Variants in FAM78A observed in about 807,000 individuals in gnomAD.
FAM78A encodes protein FAM78A.
Under a neutral mutation model 22.6 loss-of-function variants are expected in FAM78A, and 12 were observed. The ratio of observed to expected loss-of-function variants is 0.53; its 90% confidence interval spans 0.34 to 0.86. The LOEUF is 0.86. Ranked by LOEUF, FAM78A falls within the 40% of genes least tolerant of loss-of-function variation. The pLI, the probability that FAM78A is intolerant of heterozygous loss-of-function variation, is 0.02. For synonymous variants in FAM78A, 151 were observed against 155.8 expected, an observed-to-expected ratio of 0.97 and a Z score of 0.23; for missense variants, 322 against 396.1, an observed-to-expected ratio of 0.81 and a Z score of 1.59.
chr9:131,263,273 G>A (rs1835297757), intron 1 of FAM78A, among the ~76,000 whole-genome samples: 1 of 149,782 alleles, frequency 6.7e-6, no homozygotes, highest in African/African-American at 2.5e-5. Context: ...AAAGAGTTCT[G>A]AAGATAGATG....
intron 1 of FAM78A, chr9:131,270,489 G>A (rs1835404208): frequency 1.4e-6 from 1 of 716,422 alleles, no homozygotes; most frequent in East Asian, 2.7e-5. Context: ...TCCAGTGCTT[G>A]GAAGGTGGAT....
chr9:131,262,476 CAA>C (rs113855141), intron 1 of FAM78A, among the ~76,000 whole-genome samples: 81 of 105,530 alleles, frequency 7.7e-4, no homozygotes, highest in Middle Eastern at 5.7e-3. Flanking sequence ...ACTCTGTCTG[CAA>C]AAAAAAAAAA....
chr9:131,278,616 G>A (rs796972432), upstream of FAM78A, among the ~76,000 whole-genome samples: 9 of 152,334 alleles, frequency 5.9e-5, no homozygotes, highest in African/African-American at 2.2e-4. Context: ...CCAGAGCTGA[G>A]AGGCTAGGGG....
rs188850041 is a variant in FAM78A, at chr9:131,275,901, C to T, written c.279G>A (p.Ala93=). Residue 93 remains alanine (A), a synonymous_variant, in exon 1 of 2, where the codon GCG becomes GCA. Coordinates refer to ENST00000372271, the MANE Select transcript of FAM78A (RefSeq NM_033387.4). This position sits in a 1 kb window ranked among gnomAD's most constrained non-coding sequence, Gnocchi z 4.6. Reference sequence around the variant, plus strand: ...GGTTGTAGAACTCCATGTGGCTGCACGCCTGGATCCAGCCAACTACCCAAG... The same window carrying T: ...GGTTGTAGAACTCCATGTGGCTGCATGCCTGGATCCAGCCAACTACCCAAG... ...KETWVVGWIQ[A]CSHMEFYNQY... is the part of the protein sequence containing the mutation. 6.2e-7 allele frequency: 1 copy of T among 1,611,212 alleles called. No individual in the cohort carries two copies. Among genetic ancestry groups the T allele is most frequent in the South Asian group, 1.1e-5 (1 of 90,866 alleles).
rs1019004206 is a variant in FAM78A at position 131,261,097 on chromosome 9, G to T, written c.577C>A (p.Leu193Met). 3 of 1,614,062 alleles carry T rather than the reference G, an allele frequency of 1.9e-6. No individual in the cohort carries two copies. The highest frequency in any genetic ancestry group is 1.3e-5 in the African/African-American group (1 of 74,944). The change falls in exon 2 of 2, where the codon CTG becomes ATG. Residue 193 changes from leucine to methionine, a missense_variant. By Grantham distance (15) the Leu-to-Met change is conservative. Coordinates refer to ENST00000372271, the MANE Select transcript of FAM78A (RefSeq NM_033387.4). The surrounding 1 kb of genome is among the most constrained non-coding windows in gnomAD (Gnocchi z 7.1). ...TTGGTGGAGGTGTTGGTGGCCACCA[G>T]CCAGGTGGTGAAGCTCTGGTCCCGG... is the stretch of plus-strand genomic sequence containing the variant. ...IYRDQSFTTW[L>M]VATNTSTNDM... is the part of the protein sequence containing the mutation.
chr9:131,259,992 G>A lies in FAM78A; in HGVS notation c.*830C>T, dbSNP rs1472797313. ...GAGGGGAGAAGAGGCCAGGCGACTG[G>A]TGGAGCCACCCCCCGCCAGAGCTCA... On this transcript the variant is annotated 3_prime_UTR_variant, in exon 2 of 2. Transcript: ENST00000372271. 1.3e-5 allele frequency: 2 copies of A among 152,744 alleles called. No individual in the cohort carries two copies. The highest frequency in any genetic ancestry group is 6.5e-5 in the Admixed American group (1 of 15,292). The allele number at this position is 152,744 out of a possible 1,614,324, so 9.5% of individuals were successfully genotyped here.
rs1435059284 is a variant in FAM78A at position 131,275,973 on chromosome 9, G to A, written c.207C>T (p.Phe69=). 1.2e-6 allele frequency: 2 copies of A among 1,613,490 alleles called. No individual in the cohort carries two copies. The highest frequency in any genetic ancestry group is 1.7e-6 in the Non-Finnish European group (2 of 1,180,044). Residue 69 remains phenylalanine, a synonymous_variant, in exon 1 of 2, where the codon TTC becomes TTT. Coordinates refer to ENST00000372271, the MANE Select transcript of FAM78A (RefSeq NM_033387.4). The surrounding 1 kb of genome is among the most constrained non-coding windows in gnomAD (Gnocchi z 4.6). ...SVVLRYRTPH[F]RASAQVVMPP... ...GCATGACCACCTGGGCCGAGGCCCG[G>A]AAGTGGGGTGTCCGGTAGCGGAGCA...
At chr9:131,280,429 C>T (rs926870283), upstream of FAM78A, among the ~76,000 whole-genome samples, 1 of 152,230 alleles carries the variant, frequency 6.6e-6, no homozygotes, top group Non-Finnish European at 1.5e-5. Flanking sequence ...GTCTGCAGAG[C>T]AGAGGAAGGG....
At chr9:131,268,567 G>T (rs1412660325) in intron 1 of FAM78A, among the ~76,000 whole-genome samples, 1 of 152,220 alleles carries the variant, frequency 6.6e-6, no homozygotes, top group African/African-American at 2.4e-5. Flanking sequence ...ATCTCACAAG[G>T]GGAGGAAAGA....
upstream of FAM78A, among the ~76,000 whole-genome samples, chr9:131,280,892 G>A (rs1008169048): frequency 6.6e-6 from 1 of 152,170 alleles, no homozygotes; most frequent in Non-Finnish European, 1.5e-5. Flanking sequence ...GGGTTGACCC[G>A]ACCCTGTCAT....
intron 1 of FAM78A, among the ~76,000 whole-genome samples, chr9:131,269,916 C>T (rs1007438452): frequency 4.6e-5 from 7 of 151,670 alleles, no homozygotes; most frequent in Non-Finnish European, 1.0e-4. Flanking sequence ...AAGTACAGGC[C>T]GGGCACAGTG....
Position 131,261,079 on chromosome 9 carries a change from A to G in FAM78A, c.595T>C (p.Ser199Pro). 2 of 1,614,038 alleles carry G rather than the reference A, an allele frequency of 1.2e-6. No individual in the cohort carries two copies. The highest frequency in any genetic ancestry group is 1.7e-6 in the Non-Finnish European group (2 of 1,179,998). Residue 199 changes from serine (S) to proline (P), a missense_variant, in exon 2 of 2, where the codon TCC (serine) becomes CCC (proline). Ser to Pro is a moderately conservative substitution (Grantham distance 74). Coordinates refer to ENST00000372271, the MANE Select transcript of FAM78A (RefSeq NM_033387.4). This position sits in a 1 kb window ranked among gnomAD's most constrained non-coding sequence, Gnocchi z 7.1. Reference protein sequence around the residue: ...FTTWLVATNTSTNDMIILQTL... With the variant: ...FTTWLVATNTPTNDMIILQTL... ...TGCAGGATGATCATGTCGTTGGTGGAGGTGTTGGTGGCCACCAGCCAGGTG... is the reference window on the plus strand; with the variant it reads ...TGCAGGATGATCATGTCGTTGGTGGGGGTGTTGGTGGCCACCAGCCAGGTG...
Position 131,261,992 on chromosome 9 carries a change from T to C in FAM78A, c.324-642A>G, listed in dbSNP as rs536259947. Among the ~76,000 whole-genome samples, 278 of 151,308 alleles carry C rather than the reference T, an allele frequency of 1.8e-3. 2 individuals are homozygous for C. The highest frequency in any genetic ancestry group is 6.8e-3 in the Middle Eastern group (2 of 294). On this transcript the variant is annotated intron_variant, in intron 1 of 1. Transcript: ENST00000372271. The surrounding 1 kb of genome is among the most constrained non-coding windows in gnomAD (Gnocchi z 7.1). ...CTGTAATCCCAGCACTTTGGGAGGC[T>C]GAGGCAGGCTGATCACTTGAGGTTA...
intron 1 of FAM78A, among the ~76,000 whole-genome samples, chr9:131,266,063 CG>C (rs1189396683): frequency 6.6e-6 from 1 of 152,112 alleles, no homozygotes; most frequent in Non-Finnish European, 1.5e-5. Flanking sequence ...TGGCTGGCAA[CG>C]GGGAGGCCTG....
chr9:131,276,951 G>A (rs997529888), upstream of FAM78A, among the ~76,000 whole-genome samples: 3 of 149,470 alleles, frequency 2.0e-5, no homozygotes, highest in Admixed American at 6.6e-5. This position sits in a 1 kb window ranked among gnomAD's most constrained non-coding sequence, Gnocchi z 4.3. Flanking sequence ...GACCTGGTGG[G>A]AGGTGGAAGG....
intron 1 of FAM78A, among the ~76,000 whole-genome samples, chr9:131,271,306 A>T (rs758018135): frequency 6.6e-6 from 1 of 152,186 alleles, no homozygotes; most frequent in Non-Finnish European, 1.5e-5. Context: ...TAATGTAACA[A>T]CAGCAACGAG....
chr9:131,261,193 T>C lies in FAM78A; in HGVS notation c.481A>G (p.Asn161Asp). 2 of 1,613,902 alleles carry C rather than the reference T, an allele frequency of 1.2e-6. No individual in the cohort carries two copies. The highest frequency in any genetic ancestry group is 1.7e-6 in the Non-Finnish European group (2 of 1,179,990). ...DSKFIISMND[N>D]FYPSVTWAVP... ...GCCCATGTGACGCTGGGGTAAAAGT[T>C]GTCATTCATGCTGATGATGAACTTG... The change falls in exon 2 of 2, where the codon AAC (asparagine) becomes GAC (aspartate). Residue 161 changes from asparagine to aspartate, a missense_variant. Physicochemically the swap from Asn to Asp is conservative, Grantham distance 23. Transcript: ENST00000372271. The surrounding 1 kb of genome is among the most constrained non-coding windows in gnomAD (Gnocchi z 7.1).
At chr9:131,278,657 C>T (rs539268304), upstream of FAM78A, among the ~76,000 whole-genome samples, 6 of 152,356 alleles carry the variant, frequency 3.9e-5, no homozygotes, top group Admixed American at 2.0e-4. Context: ...CCCGTCCCCC[C>T]GCAGGGGTCC....
intron 1 of FAM78A, among the ~76,000 whole-genome samples, chr9:131,268,677 G>A (rs1372973104): frequency 7.9e-5 from 12 of 152,186 alleles, no homozygotes; most frequent in Admixed American, 7.9e-4. Context: ...GAGGCGGGCG[G>A]ATCACAAGGT....
Sources: allele counts gnomAD v4.1 joint callset (sites outside exome capture counted in the v4.1 genomes callset), GRCh38; gene constraint gnomAD v4.1.1; non-coding constraint Gnocchi (gnomAD v3.1); transcripts MANE v1.5; gene names NCBI Gene and HGNC (gene_info 2026-07-23, HGNC 2026-07-21).